Variants in GARNL3 observed in about 807,000 individuals in gnomAD.
GARNL3 encodes GTPase activating Rap/RanGAP domain like 3, also known as GTPase-activating Rap/Ran-GAP domain-like protein 3.
In GARNL3, 63 loss-of-function variants were observed where a neutral mutation model predicts 125.0. That is an observed-to-expected ratio of 0.50 (90% CI 0.41 to 0.62). The LOEUF (loss-of-function observed/expected upper bound fraction) is 0.62, where lower values mean the gene tolerates loss of function less well. Ranked by LOEUF, GARNL3 falls within the 20% of genes least tolerant of loss-of-function variation. The pLI, the probability that GARNL3 is intolerant of heterozygous loss-of-function variation, is 0.00. For synonymous variants in GARNL3, 439 were observed against 457.5 expected (o/e 0.96, Z 0.52); for missense variants, 994 against 1,244.0 (o/e 0.80, Z 3.02).
intron 1 of GARNL3, among the ~76,000 whole-genome samples, chr9:127,231,245 T>TTC (rs1357960897): frequency 1.4e-5 from 2 of 140,664 alleles, no homozygotes; most frequent in Non-Finnish European, 3.1e-5. Context: ...TTTTTTTTTT[T>TTC]GTATTTTTAG....
chr9:127,369,566 T>C (rs1831492425), intron 22 of GARNL3, among the ~76,000 whole-genome samples: 1 of 152,182 alleles, frequency 6.6e-6, no homozygotes, highest in African/African-American at 2.4e-5. Context: ...CCTGTGCCCC[T>C]GCCAGAGCAG....
At chr9:127,331,181 T>C (rs1254522465) in intron 7 of GARNL3, among the ~76,000 whole-genome samples, 2 of 152,090 alleles carry the variant, frequency 1.3e-5, no homozygotes, top group Non-Finnish European at 2.9e-5. Context: ...GGGAATAACA[T>C]AATGAAGACC....
intron 9 of GARNL3, 146 bp downstream of exon 9, chr9:127,333,267 T>C (rs904016244): frequency 1.7e-4 from 111 of 642,390 alleles, no homozygotes; most frequent in Non-Finnish European, 5.4e-5. Flanking sequence ...CTGTTCAACA[T>C]AGAGTCATGG....
chr9:127,241,936 TTTGTTGTTGTTGTTGTTG>T (rs148526680), intron 1 of GARNL3, among the ~76,000 whole-genome samples: 1 of 150,254 alleles, frequency 6.7e-6, no homozygotes, highest in Non-Finnish European at 1.5e-5. Flanking sequence ...CCCGGCCTGG[TTTGTTGTTGTTGTTGTTG>T]TTGTTGTTGT....
At chr9:127,383,583 T>C in intron 23 of GARNL3, 38 bp downstream of exon 23, 4 of 1,357,782 alleles carry the variant, frequency 2.9e-6, no homozygotes, top group Non-Finnish European at 3.1e-6. Context: ...TTCTCCTTCA[T>C]GGATATGTCT....
chr9:127,248,264 T>C (rs1453086297), intron 2 of GARNL3, among the ~76,000 whole-genome samples: 1 of 152,192 alleles, frequency 6.6e-6, no homozygotes, highest in African/African-American at 2.4e-5. Context: ...CCATTTCCTC[T>C]CTCCCTTTTG....
intron 25 of GARNL3, among the ~76,000 whole-genome samples, chr9:127,388,127 CAG>C (rs1190286559): frequency 3.3e-5 from 5 of 152,096 alleles, no homozygotes. Context: ...GCCTGGGCAA[CAG>C]AGTGAGAGAC....
At chr9:127,282,558 C>T (rs934718201) in intron 1 of GARNL3, among the ~76,000 whole-genome samples, 13 of 152,150 alleles carry the variant, frequency 8.5e-5, no homozygotes, top group Admixed American at 6.5e-5. Context: ...AGATTTGAAC[C>T]TGGTCAGTTG....
chr9:127,332,154 G>A, intron 7 of GARNL3, 120 bp from the exon 8 acceptor site: 1 of 703,614 alleles, frequency 1.4e-6, no homozygotes, highest in South Asian at 1.7e-5. Context: ...TGGGAGGAAG[G>A]GATCCCCTGA....
In GARNL3 at chr9:127,364,841, C is replaced by CT; in HGVS notation, c.2095-459_2095-458insT. On this transcript the variant is annotated intron_variant, in intron 21 of 27. Coordinates refer to ENST00000373387, the MANE Select transcript of GARNL3 (RefSeq NM_032293.5). The surrounding 1 kb of genome is among the most constrained non-coding windows in gnomAD (Gnocchi z 4.2). ...GTTCAGATGTTGGCTGTGGCGTGTA[C>CT]CAGTCAAGGGACTTAAGTGACTTCA... is the stretch of plus-strand genomic sequence containing the variant. 1 of 162,710 alleles carries CT rather than the reference C, an allele frequency of 6.1e-6. No homozygotes were observed. 10.1% of individuals were successfully genotyped at this position (162,710 alleles called of 1,614,324 possible).
chr9:127,303,347 A>C (rs1466779545), intron 2 of GARNL3, among the ~76,000 whole-genome samples: 2 of 152,130 alleles, frequency 1.3e-5, no homozygotes, highest in East Asian at 3.8e-4. Context: ...GTGTGTATAA[A>C]GTAAACACAT....
At chr9:127,314,006 A>G (rs980594895) in intron 4 of GARNL3, among the ~76,000 whole-genome samples, 6 of 151,890 alleles carry the variant, frequency 4.0e-5, no homozygotes, top group African/African-American at 7.3e-5. Context: ...TTGTGGAGTG[A>G]CTGATCCAAC....
At chr9:127,299,774 C>T (rs2064726350) in intron 2 of GARNL3, among the ~76,000 whole-genome samples, 1 of 152,120 alleles carries the variant, frequency 6.6e-6, no homozygotes, top group Non-Finnish European at 1.5e-5. Flanking sequence ...TTCACCATAG[C>T]CAGAATGGTC....
intron 1 of GARNL3, among the ~76,000 whole-genome samples, chr9:127,237,745 T>C (rs7023120): frequency 2.3e-3 from 345 of 152,230 alleles, no homozygotes; most frequent in Middle Eastern, 0.017. Flanking sequence ...GTGCTTGAGG[T>C]AGACTTTCCA....
In GARNL3 at chr9:127,242,919, T is replaced by C. The variant is rs746286215; in HGVS notation, c.-28-160T>C. On this transcript the variant is annotated intron_variant, in intron 1 of 10. Transcript: ENST00000439286. This position sits in a 1 kb window ranked among gnomAD's most constrained non-coding sequence, Gnocchi z 4.6. Reference sequence around the variant, plus strand: ...GCTTCCTTGATGCAGTAAGGTCATATGCGGTCTTGGTGGGGCCCCTGGGTC... The same window carrying C: ...GCTTCCTTGATGCAGTAAGGTCATACGCGGTCTTGGTGGGGCCCCTGGGTC... Among the ~76,000 whole-genome samples the C allele has an allele frequency of 1.3e-5, 2 of 152,164 alleles. No homozygotes were observed. Among genetic ancestry groups the C allele is most frequent in the Non-Finnish European group, 2.9e-5 (2 of 68,030 alleles).
chr9:127,349,898 G>C (rs949682861), intron 17 of GARNL3, among the ~76,000 whole-genome samples: 1 of 152,208 alleles, frequency 6.6e-6, no homozygotes, highest in Non-Finnish European at 1.5e-5. Flanking sequence ...ACCACTGTGA[G>C]AATGACATAA....
intron 2 of GARNL3, among the ~76,000 whole-genome samples, chr9:127,294,729 T>C (rs1449882144): frequency 6.6e-6 from 1 of 152,228 alleles, no homozygotes; most frequent in Non-Finnish European, 1.5e-5. Flanking sequence ...GTGCTTTTCA[T>C]ATAATGTGAC....
intron 22 of GARNL3, among the ~76,000 whole-genome samples, chr9:127,381,328 T>C (rs927473005): frequency 6.6e-6 from 1 of 152,248 alleles, no homozygotes; most frequent in Admixed American, 6.5e-5. Flanking sequence ...AACAAAACTC[T>C]ATATCTACAG....
intron 1 of GARNL3, among the ~76,000 whole-genome samples, chr9:127,227,657 A>G (rs999155217): frequency 1.3e-5 from 2 of 151,982 alleles, no homozygotes; most frequent in Non-Finnish European, 2.9e-5. Context: ...CGCGGCTCAC[A>G]CCTACACTCA....
Sources: gnomAD v4.1 joint callset for allele counts (sites outside exome capture counted in the v4.1 genomes callset) on GRCh38, gnomAD v4.1.1 for gene constraint, Gnocchi (gnomAD v3.1) non-coding constraint, MANE v1.5 for transcripts, NCBI Gene and HGNC (gene_info 2026-07-23, HGNC 2026-07-21) for gene names.